HSD17B12: variants seen among roughly 807,000 people sequenced by gnomAD.
The protein encoded by HSD17B12 is hydroxysteroid 17-beta dehydrogenase 12.
Under a neutral mutation model 39.3 loss-of-function variants are expected in HSD17B12, and 32 were observed. The ratio of observed to expected loss-of-function variants is 0.81; its 90% CI spans 0.61 to 1.09. The LOEUF is 1.09. Among genes scored for constraint, HSD17B12 ranks in the 50% least tolerant of loss-of-function variants. HSD17B12 has a pLI of 0.00. For missense variants in HSD17B12, 342 were observed against 382.9 expected, an observed-to-expected ratio of 0.89 and a Z score of 0.89; for synonymous variants, 150 against 146.7, an observed-to-expected ratio of 1.02 and a Z score of -0.16.
the HSD17B12 span, among the ~76,000 whole-genome samples, chr11:43,626,617 G>A: frequency 1.3e-5 from 2 of 151,634 alleles, no homozygotes; most frequent in Non-Finnish European, 1.5e-5. Context: ...TGTTTTATCT[G>A]AGACTTATAG....
intron 4 of HSD17B12, among the ~76,000 whole-genome samples, chr11:43,814,660 T>C (rs1951104294): frequency 6.6e-6 from 1 of 152,026 alleles, no homozygotes; most frequent in African/African-American, 2.4e-5. Flanking sequence ...ATAAGGAAAA[T>C]TAAGATATGA....
At chr11:43,694,725 A>T (rs572596921) in intron 1 of HSD17B12, among the ~76,000 whole-genome samples, 14 of 152,270 alleles carry the variant, frequency 9.2e-5, no homozygotes, top group African/African-American at 3.4e-4. Flanking sequence ...TGTTTATATC[A>T]TGGCAGTATT....
chr11:43,564,961 A>C, the HSD17B12 span, among the ~76,000 whole-genome samples: 1 of 147,788 alleles, frequency 6.8e-6, no homozygotes, highest in African/African-American at 2.5e-5. Flanking sequence ...GTACAGTGGC[A>C]CTGTGTCGGC....
chr11:43,774,782 C>T (rs962872558), intron 3 of HSD17B12, among the ~76,000 whole-genome samples: 5 of 152,134 alleles, frequency 3.3e-5, no homozygotes, highest in African/African-American at 1.2e-4. Context: ...AGGTGGAATT[C>T]TAAGATGTTC....
chr11:43,586,259 T>C, the HSD17B12 span, among the ~76,000 whole-genome samples: 67 of 152,350 alleles, frequency 4.4e-4, no homozygotes, highest in African/African-American at 1.4e-3. Context: ...ATTAGCATTC[T>C]GGGGGCATCA....
the HSD17B12 span, among the ~76,000 whole-genome samples, chr11:43,604,106 T>C: frequency 5.3e-5 from 8 of 152,200 alleles, no homozygotes; most frequent in Non-Finnish European, 8.8e-5. Context: ...CATGGTTCAT[T>C]CTTCTTATTA....
chr11:43,780,194 T>C (rs1443622065), intron 3 of HSD17B12, among the ~76,000 whole-genome samples: 5 of 151,830 alleles, frequency 3.3e-5, no homozygotes, highest in African/African-American at 1.2e-4. Context: ...AGACAGAATT[T>C]CACTCTTGTC....
chr11:43,824,355 A>G (rs1180424782), intron 6 of HSD17B12, among the ~76,000 whole-genome samples: 1 of 152,226 alleles, frequency 6.6e-6, no homozygotes, highest in Non-Finnish European at 1.5e-5. Flanking sequence ...CATCGACTAA[A>G]TTAATCTCTT....
chr11:43,657,217 T>C, the HSD17B12 span, among the ~76,000 whole-genome samples: 1 of 152,252 alleles, frequency 6.6e-6, no homozygotes, highest in Admixed American at 6.5e-5. Flanking sequence ...GAGATTAAGA[T>C]TGCAACCCCT....
chr11:43,688,100 T>C (rs1949818783), intron 1 of HSD17B12, among the ~76,000 whole-genome samples: 3 of 152,008 alleles, frequency 2.0e-5, no homozygotes, highest in Admixed American at 1.3e-4. Flanking sequence ...TAGTCCCCGC[T>C]ACTCGGGAGG....
chr11:43,819,433 G>T (rs978242881), intron 6 of HSD17B12, among the ~76,000 whole-genome samples: 8 of 152,128 alleles, frequency 5.3e-5, no homozygotes, highest in African/African-American at 1.9e-4. Flanking sequence ...TCTGAGCACA[G>T]ATCAGCATAT....
chr11:43,565,250 C>A, the HSD17B12 span, among the ~76,000 whole-genome samples: 1 of 152,244 alleles, frequency 6.6e-6, no homozygotes, highest in South Asian at 2.1e-4. Flanking sequence ...GGAAGTGGCG[C>A]CTTCACGTTT....
intron 1 of HSD17B12, among the ~76,000 whole-genome samples, chr11:43,713,463 C>CT (rs1950089854): frequency 6.6e-6 from 1 of 152,026 alleles, no homozygotes; most frequent in African/African-American, 2.4e-5. Flanking sequence ...TGAACTCATC[C>CT]TTTTTTATGG....
intron 1 of HSD17B12, among the ~76,000 whole-genome samples, chr11:43,746,785 A>G (rs751893335): frequency 2.0e-5 from 3 of 152,200 alleles, no homozygotes; most frequent in Non-Finnish European, 4.4e-5. Flanking sequence ...GCATGACCAC[A>G]AACACGTGAT....
chr11:43,699,815 A>G (rs867558954), intron 1 of HSD17B12, among the ~76,000 whole-genome samples: 5 of 152,358 alleles, frequency 3.3e-5, no homozygotes, highest in Middle Eastern at 3.4e-3. Context: ...TGGGCAGAAG[A>G]TTTGAATAGA....
At chr11:43,823,482 G>A (rs2135095474) in intron 6 of HSD17B12, among the ~76,000 whole-genome samples, 1 of 151,738 alleles carries the variant, frequency 6.6e-6, no homozygotes, top group South Asian at 2.1e-4. Context: ...TGTTGCTCAG[G>A]CTGGACTGGA....
chr11:43,838,741 T>C (rs1951395317), intron 8 of HSD17B12, among the ~76,000 whole-genome samples: 1 of 152,124 alleles, frequency 6.6e-6, no homozygotes, highest in Non-Finnish European at 1.5e-5. Context: ...TAGAACATGA[T>C]GTTAATGAGT....
chr11:43,825,061 G>A (rs1032239207), intron 6 of HSD17B12, among the ~76,000 whole-genome samples: 7 of 151,942 alleles, frequency 4.6e-5, no homozygotes, highest in Admixed American at 1.3e-4. Context: ...AACCCAGGAG[G>A]CAGAGGTTGC....
chr11:43,817,000 ATATC>A lies in HSD17B12; in HGVS notation c.501+613_501+616del, dbSNP rs147843141. On this transcript the variant is annotated intron_variant, in intron 6 of 10. Coordinates refer to ENST00000278353, the MANE Select transcript of HSD17B12 (RefSeq NM_016142.3). Reference sequence around the variant, plus strand: ...ATCATATATATCTATATCTATATCTATATCTATATCTATATCTATATCTATATCT... The same window carrying A: ...ATCATATATATCTATATCTATATCTATATATCTATATCTATATCTATATCT... 9.9e-4 allele frequency among the ~76,000 whole-genome samples: 51 copies of A among 51,578 alleles called. 1 individual carries two copies. Among genetic ancestry groups the A allele is most frequent in the African/African-American group, 3.4e-3 (48 of 14,202 alleles). The allele number at this position is 51,578 out of a possible 152,430, so 33.8% of individuals were successfully genotyped here. A position where few individuals can be genotyped will look rare whatever the true frequency, so the allele number is the denominator to read the frequency against.
Sources: gnomAD v4.1 joint callset for allele counts (sites outside exome capture counted in the v4.1 genomes callset) on GRCh38, gnomAD v4.1.1 for gene constraint, MANE v1.5 for transcripts, NCBI Gene and HGNC (gene_info 2026-07-23, HGNC 2026-07-21) for gene names.